Variants in PLXNA4 observed in about 807,000 individuals in gnomAD.
PLXNA4 encodes the protein plexin A4, also known as plexin-A4.
PLXNA4 carries 44 observed loss-of-function variants against 191.8 expected under a neutral mutation model. The observed-to-expected ratio is 0.23, with a 90% CI of 0.18 to 0.29. PLXNA4 has a LOEUF of 0.29. PLXNA4 is among the 10% of genes least tolerant of loss of function. The probability of loss-of-function intolerance (pLI) is 1.00; values close to 1 mark genes in which losing one functional copy is unlikely to be tolerated. For missense variants in PLXNA4, 1,800 were observed against 2,488.8 expected (o/e 0.72, Z 5.89); for synonymous variants, 1,082 against 1,009.5 (o/e 1.07, Z -1.36).
intron 3 of PLXNA4, among the ~76,000 whole-genome samples, chr7:132,349,701 G>T (rs1022540270): frequency 6.6e-6 from 1 of 151,934 alleles, no homozygotes; most frequent in African/African-American, 2.4e-5. Context: ...AGGAACAGCT[G>T]GTCACTCTCC....
chr7:132,235,159 G>A (rs1798654566), intron 5 of PLXNA4, among the ~76,000 whole-genome samples: 1 of 152,212 alleles, frequency 6.6e-6, no homozygotes, highest in East Asian at 1.9e-4. Flanking sequence ...TGGAAGGGGA[G>A]GGGGACCAGG....
rs776771552 is a variant in PLXNA4, at chr7:132,508,654, G to A, written c.40C>T (p.His14Tyr). Residue 14 changes from histidine (H) to tyrosine (Y), a missense_variant, in exon 2 of 32, where the codon CAC (histidine) becomes TAC (tyrosine). Transcript: ENST00000321063. The surrounding 1 kb of genome is among the most constrained non-coding windows in gnomAD (Gnocchi z 4.4). ...MPWNWTCLLS[H>Y]LLMVGMGSST... ...GAGCCCATGCCCACCATGAGGAGGT[G>A]GGAGAGAAGGCAGGTCCAGTTCCAG... 6.3e-7 allele frequency: 1 copy of A among 1,575,052 alleles called. No individual in the cohort carries two copies. Among genetic ancestry groups the A allele is most frequent in the South Asian group, 1.2e-5 (1 of 85,174 alleles).
At chr7:132,561,560 TCCTCCTCCTTTCC>T (rs1328408666) in intron 1 of PLXNA4, among the ~76,000 whole-genome samples, 1 of 89,842 alleles carries the variant, frequency 1.1e-5, no homozygotes, top group African/African-American at 5.2e-5. Flanking sequence ...CTCCTCCTTC[TCCTCCTCCTTTCC>T]CCTCCTCCTC....
chr7:132,363,726 A>G (rs1804041905), intron 3 of PLXNA4, among the ~76,000 whole-genome samples: 1 of 152,264 alleles, frequency 6.6e-6, no homozygotes, highest in Non-Finnish European at 1.5e-5. Flanking sequence ...CCGCTGGATC[A>G]TATAGTAATT....
chr7:132,494,516 G>A (rs560421194), intron 2 of PLXNA4, among the ~76,000 whole-genome samples: 1 of 152,160 alleles, frequency 6.6e-6, no homozygotes, highest in South Asian at 2.1e-4. Flanking sequence ...CGACTCGGGA[G>A]CAGGACCCTG....
chr7:132,179,328 C>T (rs541744921), intron 20 of PLXNA4, among the ~76,000 whole-genome samples: 2,098 of 124,980 alleles, frequency 0.017, 106 homozygotes, highest in African/African-American at 0.049. Context: ...CATGCACACG[C>T]ACACACAGAG....
intron 1 of PLXNA4, among the ~76,000 whole-genome samples, chr7:132,549,379 C>T (rs1012232984): frequency 2.6e-5 from 4 of 152,130 alleles, no homozygotes; most frequent in African/African-American, 9.7e-5. Flanking sequence ...TTATTAACTA[C>T]TCACACCCTT....
intron 3 of PLXNA4, among the ~76,000 whole-genome samples, chr7:132,436,572 C>G (rs1795478069): frequency 6.6e-6 from 1 of 152,178 alleles, no homozygotes; most frequent in African/African-American, 2.4e-5. Context: ...GCAAGATGAC[C>G]TGTCCCTCAA....
At chr7:132,474,227 C>T (rs112741301) in intron 3 of PLXNA4, among the ~76,000 whole-genome samples, 1 of 141,692 alleles carries the variant, frequency 7.1e-6, no homozygotes, top group South Asian at 2.2e-4. Flanking sequence ...CACACACACA[C>T]ACACACACAC....
intron 3 of PLXNA4, among the ~76,000 whole-genome samples, chr7:132,401,088 CA>C (rs1463536809): frequency 8.5e-5 from 13 of 152,158 alleles, no homozygotes; most frequent in African/African-American, 2.9e-4. Context: ...CATATCTACA[CA>C]TGTGATAAAA....
chr7:132,463,912 A>G (rs968888987), intron 3 of PLXNA4, among the ~76,000 whole-genome samples: 7 of 152,336 alleles, frequency 4.6e-5, no homozygotes, highest in South Asian at 2.1e-4. Context: ...GCCACAGAGC[A>G]GAGGCCCAGG....
At chr7:132,581,421 T>C (rs1802400151), upstream of PLXNA4, among the ~76,000 whole-genome samples, 1 of 152,188 alleles carries the variant, frequency 6.6e-6, no homozygotes, top group Non-Finnish European at 1.5e-5. Context: ...TCTGCTCAGA[T>C]AAAACTTTGG....
At chr7:132,612,876 G>A (rs185627528) in intron 2 of PLXNA4, among the ~76,000 whole-genome samples, 1 of 151,880 alleles carries the variant, frequency 6.6e-6, no homozygotes, top group Admixed American at 6.6e-5. Flanking sequence ...CCATGGGTGA[G>A]AACCACTGAT....
At chr7:132,474,953 G>A (rs1345275105) in intron 3 of PLXNA4, among the ~76,000 whole-genome samples, 1 of 152,192 alleles carries the variant, frequency 6.6e-6, no homozygotes, top group Non-Finnish European at 1.5e-5. Context: ...TAAGAGAGAT[G>A]GAGGGAGGGT....
chr7:132,305,815 T>C (rs1801496853), intron 3 of PLXNA4, among the ~76,000 whole-genome samples: 1 of 152,114 alleles, frequency 6.6e-6, no homozygotes, highest in Non-Finnish European at 1.5e-5. Context: ...GTGCTATTCA[T>C]CTCTAAAGAT....
rs144042010 is a variant in PLXNA4, at chr7:132,303,702, A to T, written c.1372-5480T>A. 3.9e-4 allele frequency among the ~76,000 whole-genome samples: 59 copies of T among 152,350 alleles called. 1 individual carries two copies. Among genetic ancestry groups the T allele is most frequent in the East Asian group, 5.8e-4 (3 of 5,180 alleles). Reference sequence around the variant, plus strand: ...TGTGTGTCCCTTGACGGAGCGACACATCCCACACCCACCATGTGTCTGTTG... The same window carrying T: ...TGTGTGTCCCTTGACGGAGCGACACTTCCCACACCCACCATGTGTCTGTTG... On this transcript the variant is annotated intron_variant, in intron 3 of 31. Coordinates refer to ENST00000321063, the MANE Select transcript of PLXNA4 (RefSeq NM_020911.2).
At chr7:132,496,236 G>A (rs757884808) in intron 2 of PLXNA4, among the ~76,000 whole-genome samples, 4 of 152,098 alleles carry the variant, frequency 2.6e-5, no homozygotes, top group Admixed American at 6.6e-5. Context: ...TTTCAGATGC[G>A]GAAAATAACT....
chr7:132,561,733 CCTCCTCCTCCTTCTT>C (rs1363928159), intron 1 of PLXNA4, among the ~76,000 whole-genome samples: 6 of 138,998 alleles, frequency 4.3e-5, no homozygotes, highest in African/African-American at 1.4e-4. Context: ...TCCTCTTCCT[CCTCCTCCTCCTTCTT>C]CTCCTCCTCC....
At chr7:132,145,327 C>T (rs2598198) in intron 28 of PLXNA4, 39 bp from the exon 29 acceptor site, 159,593 of 1,609,638 alleles carry the variant, frequency 0.099, 26,102 homozygotes, top group African/African-American at 0.77. Context: ...GCTCGACTCA[C>T]GTAGTTCTGA....
Sources: allele counts gnomAD v4.1 joint callset (sites outside exome capture counted in the v4.1 genomes callset), GRCh38; gene constraint gnomAD v4.1.1; non-coding constraint Gnocchi (gnomAD v3.1); transcripts MANE v1.5; gene names NCBI Gene and HGNC (gene_info 2026-07-23, HGNC 2026-07-21).